The following CNBD1 variants were observed in gnomAD, a reference collection of about 807,000 sequenced individuals.
The protein encoded by CNBD1 is cyclic nucleotide-binding domain-containing protein 1.
CNBD1 carries 71 observed loss-of-function variants against 54.4 expected under a neutral mutation model. That is an observed-to-expected ratio of 1.30 (90% CI 1.08 to 1.59). CNBD1 has a LOEUF of 1.59. Among genes scored for constraint, CNBD1 ranks in the 40% most tolerant of loss-of-function variants. The probability of loss-of-function intolerance (pLI) is 0.00; values close to 1 mark genes in which losing one functional copy is unlikely to be tolerated. For synonymous variants in CNBD1, 182 were observed against 170.7 expected (o/e 1.07, Z -0.51); for missense variants, 659 against 518.0 (o/e 1.27, Z -2.64).
intron 4 of CNBD1, among the ~76,000 whole-genome samples, chr8:87,115,878 C>T (rs958925576): frequency 2.0e-5 from 3 of 152,200 alleles, no homozygotes; most frequent in African/African-American, 7.2e-5. Flanking sequence ...TTTACCTTCT[C>T]ACTGTGCATC....
chr8:87,349,062 A>G (rs1039606264), intron 8 of CNBD1, among the ~76,000 whole-genome samples: 1 of 152,198 alleles, frequency 6.6e-6, no homozygotes, highest in African/African-American at 2.4e-5. Context: ...TTTTGTAAAC[A>G]TAAATGAATA....
At chr8:86,876,364 T>A (rs1291192049) in intron 1 of CNBD1, among the ~76,000 whole-genome samples, 1 of 152,030 alleles carries the variant, frequency 6.6e-6, no homozygotes, top group Non-Finnish European at 1.5e-5. Flanking sequence ...TTTTTTGACC[T>A]TACATCTTTG....
intron 4 of CNBD1, among the ~76,000 whole-genome samples, chr8:87,021,277 T>C (rs1395429099): frequency 7.1e-6 from 1 of 141,446 alleles, no homozygotes; most frequent in Non-Finnish European, 1.5e-5. Context: ...ATGTTAAATA[T>C]TTTTTTTTTA....
rs529544502 is a variant in CNBD1 at position 87,089,918 on chromosome 8, C to T, written c.432-116075C>T. The stretch of plus-strand genomic sequence containing the variant: ...AAAATTAGATATTCAGATACCCAGC[C>T]TTAGCTTACATATATGAATAGGGAA... On this transcript the variant is annotated intron_variant, in intron 4 of 10. Transcript: ENST00000518476. Among the ~76,000 whole-genome samples the T allele has an allele frequency of 4.6e-4, 70 of 152,196 alleles. 1 individual carries two copies. In the South Asian group the frequency reaches 0.013, roughly 29 times the overall value.
At chr8:87,325,824 G>T (rs1809655926) in intron 8 of CNBD1, among the ~76,000 whole-genome samples, 1 of 148,682 alleles carries the variant, frequency 6.7e-6, no homozygotes, top group Non-Finnish European at 1.5e-5. Flanking sequence ...ATATTGTTAT[G>T]TGTGAATCTG....
chr8:87,112,659 C>T (rs1811687465), intron 4 of CNBD1, among the ~76,000 whole-genome samples: 1 of 152,288 alleles, frequency 6.6e-6, no homozygotes, highest in East Asian at 1.9e-4. Context: ...AACACATACA[C>T]TGGTGCATCT....
intron 4 of CNBD1, among the ~76,000 whole-genome samples, chr8:87,014,788 A>G (rs939781374): frequency 4.0e-5 from 6 of 149,908 alleles, no homozygotes; most frequent in Admixed American, 2.6e-4. Context: ...TAGGTTTAAA[A>G]CAAGGTAAAA....
At position 87,382,742 on chromosome 8, in the gene CNBD1, C is replaced by A; in HGVS notation, c.*115C>A. 1.5e-6 allele frequency: 1 copy of A among 685,306 alleles called. No individual in the cohort carries two copies. The highest frequency in any genetic ancestry group is 2.3e-6 in the Non-Finnish European group (1 of 426,772). 42.5% of individuals were successfully genotyped at this position (685,306 alleles called of 1,614,324 possible). A position where few individuals can be genotyped will look rare whatever the true frequency, so the allele number is the denominator to read the frequency against. On this transcript the variant is annotated 3_prime_UTR_variant, in exon 11 of 11. Transcript: ENST00000518476. Reference sequence around the variant, plus strand: ...CAATGAATTTGGTCTATTGTGACTACATATCCTGGATTCCCCAGGAAAGTC... The same window carrying A: ...CAATGAATTTGGTCTATTGTGACTAAATATCCTGGATTCCCCAGGAAAGTC...
Position 87,159,927 on chromosome 8 carries a change from C to CT in CNBD1, c.432-46055dup, listed in dbSNP as rs34423333. On this transcript the variant is annotated intron_variant, in intron 4 of 10. Coordinates refer to ENST00000518476, the MANE Select transcript of CNBD1 (RefSeq NM_173538.3). The stretch of plus-strand genomic sequence containing the variant: ...TTTTAATATTTTAACAGATACATAG[C>CT]TTTTTTTTTTTCCAGAAACAACCAT... Among the ~76,000 whole-genome samples the CT allele has an allele frequency of 1.7e-3, 254 of 146,830 alleles. 3 individuals carry two copies. Among genetic ancestry groups the CT allele is most frequent in the Middle Eastern group, 3.5e-3 (1 of 286 alleles).
At chr8:87,098,950 T>G (rs1811371518) in intron 4 of CNBD1, among the ~76,000 whole-genome samples, 1 of 141,242 alleles carries the variant, frequency 7.1e-6, no homozygotes, top group Admixed American at 7.9e-5. Context: ...GGCAGGAGAA[T>G]AGTTTGAATC....
At chr8:86,929,832 C>T (rs551959275) in intron 3 of CNBD1, among the ~76,000 whole-genome samples, 10 of 152,202 alleles carry the variant, frequency 6.6e-5, no homozygotes, top group African/African-American at 1.9e-4. Context: ...TGCAACTATC[C>T]GTAAACAGTG....
intron 6 of CNBD1, among the ~76,000 whole-genome samples, chr8:87,267,663 G>A (rs972514760): frequency 6.6e-6 from 1 of 152,114 alleles, no homozygotes; most frequent in Non-Finnish European, 1.5e-5. Flanking sequence ...AGTAATTTGA[G>A]TATAGCATAC....
chr8:87,097,159 G>A (rs565104159), intron 4 of CNBD1, among the ~76,000 whole-genome samples: 2 of 152,252 alleles, frequency 1.3e-5, no homozygotes, highest in East Asian at 1.9e-4. Context: ...TGTGCAATGA[G>A]TCTTGTATAT....
At chr8:86,998,831 AT>A (rs1471415642) in intron 4 of CNBD1, among the ~76,000 whole-genome samples, 2 of 152,258 alleles carry the variant, frequency 1.3e-5, no homozygotes, top group East Asian at 3.9e-4. Context: ...TTCCATCCAC[AT>A]TTTACAGGTA....
intron 4 of CNBD1, among the ~76,000 whole-genome samples, chr8:87,090,304 T>C (rs1285519703): frequency 6.6e-6 from 1 of 152,194 alleles, no homozygotes; most frequent in African/African-American, 2.4e-5. Context: ...CTAACTTATT[T>C]TGAATGACTG....
At position 86,992,089 on chromosome 8, in the gene CNBD1, G is replaced by C. The variant is rs553992432; in HGVS notation, c.431+52335G>C. On this transcript the variant is annotated intron_variant, in intron 4 of 10. Transcript: ENST00000518476. ...TCTTAGTTTTCTGCCTCAGTGTTCT[G>C]TGTAACACTCAGGGGAGTGTTGAAG... 2.6e-5 allele frequency among the ~76,000 whole-genome samples: 4 copies of C among 152,194 alleles called. No individual in the cohort carries two copies. In the South Asian group the frequency reaches 6.2e-4, roughly 24 times the overall value.
At chr8:87,400,128 C>T (rs374520902) in intron 2 of CNBD1, among the ~76,000 whole-genome samples, 3 of 151,886 alleles carry the variant, frequency 2.0e-5, no homozygotes, top group Non-Finnish European at 1.5e-5. Context: ...CCTGTCTGAG[C>T]GACTCCCGAG....
At chr8:87,203,320 T>C (rs1813902582) in intron 4 of CNBD1, among the ~76,000 whole-genome samples, 1 of 152,228 alleles carries the variant, frequency 6.6e-6, no homozygotes, top group Admixed American at 6.5e-5. Flanking sequence ...TACATTTTTA[T>C]TGTATATGTG....
At chr8:87,391,324 A>G (rs1811305576) in intron 2 of CNBD1, among the ~76,000 whole-genome samples, 1 of 152,118 alleles carries the variant, frequency 6.6e-6, no homozygotes, top group Non-Finnish European at 1.5e-5. Flanking sequence ...AGTCCCTATC[A>G]AAACCCCAGC....
Sources: gnomAD v4.1 joint callset for allele counts (sites outside exome capture counted in the v4.1 genomes callset) on GRCh38, gnomAD v4.1.1 for gene constraint, MANE v1.5 for transcripts, NCBI Gene and HGNC (gene_info 2026-07-23, HGNC 2026-07-21) for gene names.